Variants in BAZ1A observed in about 807,000 individuals in gnomAD.
BAZ1A encodes bromodomain adjacent to zinc finger domain 1A, also known as bromodomain adjacent to zinc finger domain protein 1A.
BAZ1A carries 50 observed loss-of-function variants against 185.2 expected under a neutral mutation model. The observed-to-expected ratio is 0.27, with a 90% CI of 0.22 to 0.34. The LOEUF is 0.34. BAZ1A is among the 10% of genes least tolerant of loss of function. The pLI is 1.00. For synonymous variants in BAZ1A, 571 were observed against 615.6 expected, an observed-to-expected ratio of 0.93 and a Z score of 1.07; for missense variants, 1,356 against 1,839.9, an observed-to-expected ratio of 0.74 and a Z score of 4.81.
At chr14:34,809,295 G>T (rs1471711446) in intron 5 of BAZ1A, among the ~76,000 whole-genome samples, 1 of 152,140 alleles carries the variant, frequency 6.6e-6, no homozygotes, top group Admixed American at 6.6e-5. Flanking sequence ...TAAAGAGAAG[G>T]TAATTACTTG....
intron 2 of BAZ1A, among the ~76,000 whole-genome samples, chr14:34,873,252 T>C (rs2042980935): frequency 6.6e-6 from 1 of 152,144 alleles, no homozygotes; most frequent in Non-Finnish European, 1.5e-5. Context: ...GGTGCCTCCT[T>C]ACACGCGACG....
intron 24 of BAZ1A, among the ~76,000 whole-genome samples, chr14:34,759,110 A>G (rs1886395263): frequency 6.6e-6 from 1 of 151,156 alleles, no homozygotes; most frequent in Non-Finnish European, 1.5e-5. Flanking sequence ...AGAAAAATCT[A>G]GAACACAAAA....
intron 2 of BAZ1A, among the ~76,000 whole-genome samples, chr14:34,873,655 T>C (rs1468836824): frequency 6.6e-6 from 1 of 152,176 alleles, no homozygotes; most frequent in East Asian, 1.9e-4. Context: ...TTCCCGGCTA[T>C]GCGAAAGTGA....
chr14:34,859,750 C>T (rs1227419471), intron 3 of BAZ1A, among the ~76,000 whole-genome samples: 3 of 152,124 alleles, frequency 2.0e-5, no homozygotes, highest in East Asian at 3.9e-4. Flanking sequence ...CAATGGTGCT[C>T]ACAGCAAGTT....
chr14:34,792,351 C>T (rs554791947), intron 12 of BAZ1A, among the ~76,000 whole-genome samples: 3 of 151,758 alleles, frequency 2.0e-5, no homozygotes, highest in Admixed American at 2.0e-4. Context: ...CGCCAACGCA[C>T]TCCAGCCTGG....
chr14:34,767,472 C>T (rs1340293647), intron 21 of BAZ1A, among the ~76,000 whole-genome samples: 1 of 152,126 alleles, frequency 6.6e-6, no homozygotes, highest in Admixed American at 6.6e-5. Flanking sequence ...ATTGCTTGAA[C>T]CCAGGAGGCA....
At chr14:34,851,842 C>T (rs2042601554) in intron 3 of BAZ1A, among the ~76,000 whole-genome samples, 1 of 152,094 alleles carries the variant, frequency 6.6e-6, no homozygotes, top group Non-Finnish European at 1.5e-5. Flanking sequence ...TAGAAGACCA[C>T]ATAGGCCGGG....
intron 2 of BAZ1A, among the ~76,000 whole-genome samples, chr14:34,873,068 GTACTC>G (rs2042978669): frequency 6.6e-6 from 1 of 152,062 alleles, no homozygotes; most frequent in Non-Finnish European, 1.5e-5. Flanking sequence ...CTGACGAAAA[GTACTC>G]TACTTCTCTG....
Position 34,758,955 on chromosome 14 carries a change from G to A in BAZ1A, c.4244-109C>T, listed in dbSNP as rs952714782. On this transcript the variant is annotated intron_variant, in intron 24 of 26. Coordinates refer to ENST00000360310, the MANE Select transcript of BAZ1A (RefSeq NM_013448.3). Reference sequence around the variant, plus strand: ...AATTCCAACAGAAAATAGACACTCCGTACACTGAGATGTTAACTATTTTCT... The same window carrying A: ...AATTCCAACAGAAAATAGACACTCCATACACTGAGATGTTAACTATTTTCT... 25 of 1,041,342 alleles carry A rather than the reference G, an allele frequency of 2.4e-5. No homozygotes were observed. The Admixed American group carries it at 2.8e-4, about 12-fold the overall frequency. The allele number at this position is 1,041,342 out of a possible 1,614,324, so 64.5% of individuals were successfully genotyped here.
chr14:34,859,843 C>T (rs1363587252), intron 3 of BAZ1A, among the ~76,000 whole-genome samples: 7 of 152,110 alleles, frequency 4.6e-5, no homozygotes, highest in Non-Finnish European at 8.8e-5. Context: ...AATTCTAATT[C>T]GTGCTGTCTC....
In BAZ1A at chr14:34,875,237, G is replaced by A. The variant is rs773631953; in HGVS notation, c.-158C>T. 1 of 453,280 alleles carries A rather than the reference G, an allele frequency of 2.2e-6. No individual in the cohort carries two copies. Among genetic ancestry groups the A allele is most frequent in the South Asian group, 1.6e-5 (1 of 64,410 alleles). The allele number at this position is 453,280 out of a possible 1,614,324, so 28.1% of individuals were successfully genotyped here. A position where few individuals can be genotyped will look rare whatever the true frequency, so the allele number is the denominator to read the frequency against. ...GGGACCGCCTCTCTCCGGCCCCGCCGCGCCCCTGGCTGCCGCTTCTCCCGC... is the reference window on the plus strand; with the variant it reads ...GGGACCGCCTCTCTCCGGCCCCGCCACGCCCCTGGCTGCCGCTTCTCCCGC... On this transcript the variant is annotated 5_prime_UTR_variant, in exon 1 of 27. Transcript: ENST00000360310.
chr14:34,798,195 G>C (rs949294236), intron 9 of BAZ1A, among the ~76,000 whole-genome samples: 1 of 152,262 alleles, frequency 6.6e-6, no homozygotes, highest in African/African-American at 2.4e-5. Flanking sequence ...TGCTGGGAAA[G>C]CTCAAACTGG....
intron 2 of BAZ1A, among the ~76,000 whole-genome samples, chr14:34,866,977 C>T (rs1488367372): frequency 7.9e-6 from 1 of 126,230 alleles, no homozygotes; most frequent in Admixed American, 7.4e-5. Context: ...AAAAAAAAAT[C>T]CGCCGGGCAT....
chr14:34,777,882 T>G (rs964659149), intron 17 of BAZ1A, among the ~76,000 whole-genome samples: 1 of 151,976 alleles, frequency 6.6e-6, no homozygotes, highest in East Asian at 1.9e-4. Flanking sequence ...TCCCAGCTAC[T>G]CGGGAGGCTG....
chr14:34,790,485 C>T (rs1345155104), intron 12 of BAZ1A, among the ~76,000 whole-genome samples: 1 of 152,140 alleles, frequency 6.6e-6, no homozygotes, highest in African/African-American at 2.4e-5. Context: ...TCCCAAGTAG[C>T]TGGGATTACA....
At chr14:34,795,794 T>C in intron 9 of BAZ1A, 29 bp from the exon 10 acceptor site, 1 of 1,539,322 alleles carries the variant, frequency 6.5e-7, no homozygotes, top group East Asian at 2.3e-5. Context: ...TAATAACAAT[T>C]CATGTAAGAA....
intron 17 of BAZ1A, among the ~76,000 whole-genome samples, chr14:34,779,011 T>C (rs1222288217): frequency 2.6e-5 from 4 of 152,154 alleles, no homozygotes; most frequent in African/African-American, 4.8e-5. Context: ...CATGCCACCA[T>C]GCCCAGCTTG....
intron 3 of BAZ1A, among the ~76,000 whole-genome samples, chr14:34,834,144 A>T (rs1184539363): frequency 6.6e-6 from 1 of 152,218 alleles, no homozygotes; most frequent in African/African-American, 2.4e-5. Context: ...GAAAGAAATC[A>T]AATGGATCTG....
At chr14:34,771,791 T>A in intron 20 of BAZ1A, 132 bp from the exon 21 acceptor site, 2 of 744,486 alleles carry the variant, frequency 2.7e-6, no homozygotes, top group Non-Finnish European at 4.2e-6. Context: ...GGAGTTGCAG[T>A]AAACTAGTAG....
Sources: gnomAD v4.1 joint callset for allele counts (sites outside exome capture counted in the v4.1 genomes callset) on GRCh38, gnomAD v4.1.1 for gene constraint, MANE v1.5 for transcripts, NCBI Gene and HGNC (gene_info 2026-07-23, HGNC 2026-07-21) for gene names.